THBS4: variants seen among roughly 807,000 people sequenced by gnomAD.
The protein encoded by THBS4 is thrombospondin 4, also known as thrombospondin-4.
THBS4 carries 90 observed loss-of-function variants against 115.7 expected under a neutral mutation model. The ratio of observed to expected loss-of-function variants is 0.78; its 90% CI spans 0.66 to 0.93. The LOEUF (loss-of-function observed/expected upper bound fraction) is 0.93. Ranked by LOEUF, THBS4 falls within the 40% of genes least tolerant of loss-of-function variation. The pLI, the probability that THBS4 is intolerant of heterozygous loss-of-function variation, is 0.00. For missense variants in THBS4, 1,087 were observed against 1,232.7 expected, an observed-to-expected ratio of 0.88 and a Z score of 1.77; for synonymous variants, 460 against 479.3, an observed-to-expected ratio of 0.96 and a Z score of 0.53.
rs756053670 is a variant in THBS4 at position 80,079,098 on chromosome 5, C to A, written c.2351C>A (p.Thr784Asn). ...TAFNGVDFEGTFHVNTQTDDD... is the reference protein window; with the variant it reads ...TAFNGVDFEGNFHVNTQTDDD... ...TTTAATGGAGTTGACTTCGAAGGGACCTTCCATGTGAATACCCAGACAGAT... is the reference window on the plus strand; with the variant it reads ...TTTAATGGAGTTGACTTCGAAGGGAACTTCCATGTGAATACCCAGACAGAT... Residue 784 changes from threonine (T) to asparagine (N), a missense_variant, in exon 19 of 22, where the codon ACC (threonine) becomes AAC (asparagine). Around this residue, in one of 3 missense-constraint regions of THBS4, gnomAD observed 979 missense variants for 1,103.7 expected, o/e 0.89. Transcript: ENST00000350881. 8 of 1,613,934 alleles carry A rather than the reference C, an allele frequency of 5.0e-6. No individual in the cohort carries two copies. The highest frequency in any genetic ancestry group is 6.8e-6 in the Non-Finnish European group (8 of 1,179,874).
At chr5:80,074,078 G>C (rs535665133) in intron 15 of THBS4, among the ~76,000 whole-genome samples, 3 of 152,188 alleles carry the variant, frequency 2.0e-5, no homozygotes, top group East Asian at 1.9e-4. Context: ...TTGATCCATG[G>C]AAAGTGCTCA....
At chr5:80,068,178 C>A in intron 10 of THBS4, 53 bp downstream of exon 10, 1 of 1,595,840 alleles carries the variant, frequency 6.3e-7, no homozygotes, top group South Asian at 1.1e-5. Flanking sequence ...TTTTTAACAC[C>A]ACCTCTCTCC....
Position 80,025,302 on chromosome 5 carries a change from A to G in THBS4, n.178-14775A>G, listed in dbSNP as rs549960650. Among the ~76,000 whole-genome samples the G allele has an allele frequency of 1.3e-3, 195 of 152,322 alleles. 1 individual carries two copies. Among genetic ancestry groups the G allele is most frequent in the African/African-American group, 4.5e-3 (187 of 41,574 alleles). On this transcript the variant is annotated intron_variant and non_coding_transcript_variant, in intron 2 of 3. Transcript: ENST00000510218. ...AGTACAAGGACATATGTATTAGAAC[A>G]TTGTGGTGTGCAAAAGAAGATGAGA...
upstream of THBS4, chr5:80,033,174 T>G (rs1219584300): frequency 2.3e-6 from 1 of 437,678 alleles, no homozygotes; most frequent in Non-Finnish European, 4.6e-6. Flanking sequence ...TGATCAACTC[T>G]GTTTCCTCAT....
chr5:79,997,250 T>A (rs1831813147), intron 1 of THBS4, among the ~76,000 whole-genome samples: 2 of 151,854 alleles, frequency 1.3e-5, no homozygotes, highest in Admixed American at 6.6e-5. Flanking sequence ...ATTGGCAGAG[T>A]GGATAAAAAA....
intron 2 of THBS4, among the ~76,000 whole-genome samples, chr5:80,004,503 C>G (rs567776144): frequency 6.6e-6 from 1 of 152,164 alleles, no homozygotes; most frequent in African/African-American, 2.4e-5. Flanking sequence ...TAGTCTCCTG[C>G]CACTGTGGCC....
intron 14 of THBS4, 150 bp from the exon 15 acceptor site, chr5:80,073,125 A>G: frequency 4.1e-6 from 3 of 723,696 alleles, no homozygotes; most frequent in South Asian, 3.2e-5. Flanking sequence ...GCCTACACCA[A>G]TATGGTGTTG....
intron 2 of THBS4, among the ~76,000 whole-genome samples, chr5:80,013,868 A>C (rs1436364310): frequency 6.6e-6 from 1 of 152,234 alleles, no homozygotes; most frequent in Non-Finnish European, 1.5e-5. Flanking sequence ...GCACTGATAA[A>C]TGACAGTTCT....
At chr5:80,064,587 C>T (rs963692522) in intron 8 of THBS4, among the ~76,000 whole-genome samples, 1 of 152,150 alleles carries the variant, frequency 6.6e-6, no homozygotes, top group East Asian at 1.9e-4. Context: ...AAAAATTAGC[C>T]GGGTGTGATG....
chr5:80,029,099 C>T (rs1265697068), intron 2 of THBS4, among the ~76,000 whole-genome samples: 1 of 152,124 alleles, frequency 6.6e-6, no homozygotes, highest in Non-Finnish European at 1.5e-5. Context: ...CATAGATGAA[C>T]TTCAGCCCAA....
Position 80,071,179 on chromosome 5 carries a change from T to G in THBS4, c.1719T>G (p.Asp573Glu), listed in dbSNP as rs1194725127. 1 of 1,569,874 alleles carries G rather than the reference T, an allele frequency of 6.4e-7. No homozygotes were observed. The highest frequency in any genetic ancestry group is 8.6e-7 in the Non-Finnish European group (1 of 1,164,558). ...GDACDDDMDGDGIKNILDNCP... is the reference protein window; with the variant it reads ...GDACDDDMDGEGIKNILDNCP... ...CCTGTGATGATGACATGGATGGAGA[T>G]GGTAGATTTATCTTGCTTTTGTCTT... The change falls in exon 13 of 22, where the codon GAT becomes GAG. Residue 573 changes from aspartate (D) to glutamate (E), a missense_variant and splice_region_variant. Transcript: ENST00000350881.
At chr5:80,037,818 G>A (rs968789860) in intron 1 of THBS4, among the ~76,000 whole-genome samples, 3 of 152,138 alleles carry the variant, frequency 2.0e-5, no homozygotes. Flanking sequence ...GCCCTCATTA[G>A]TGGAAATGTA....
At chr5:80,046,932 C>T (rs1833086751) in intron 2 of THBS4, among the ~76,000 whole-genome samples, 1 of 152,130 alleles carries the variant, frequency 6.6e-6, no homozygotes, top group African/African-American at 2.4e-5. Flanking sequence ...TTTACAAAGT[C>T]CTACCAGATA....
chr5:80,017,785 A>G (rs975694273), intron 2 of THBS4, among the ~76,000 whole-genome samples: 5 of 152,138 alleles, frequency 3.3e-5, no homozygotes, highest in African/African-American at 9.7e-5. Flanking sequence ...GTGAGGATCT[A>G]TACTCAGTTT....
chr5:80,031,165 T>G (rs1185943947), upstream of THBS4, among the ~76,000 whole-genome samples: 3 of 152,112 alleles, frequency 2.0e-5, no homozygotes, highest in Non-Finnish European at 2.9e-5. Flanking sequence ...TCCAAGCTGG[T>G]CTGAAAACTA....
chr5:80,056,468 AACAGCATT>A (rs1833436340), intron 3 of THBS4, among the ~76,000 whole-genome samples: 1 of 152,246 alleles, frequency 6.6e-6, no homozygotes. Context: ...AAGCTTTCAT[AACAGCATT>A]TTCACAGGTC....
At chr5:80,041,723 C>T (rs930937482) in intron 2 of THBS4, among the ~76,000 whole-genome samples, 2 of 152,136 alleles carry the variant, frequency 1.3e-5, no homozygotes, top group African/African-American at 2.4e-5. Flanking sequence ...CCACTCCTTC[C>T]CCGGGGGACA....
chr5:80,042,551 C>G (rs1391182603), intron 2 of THBS4, among the ~76,000 whole-genome samples: 1 of 152,148 alleles, frequency 6.6e-6, no homozygotes, highest in Non-Finnish European at 1.5e-5. Flanking sequence ...AAGCAACTTC[C>G]CCTGAACGGA....
intron 15 of THBS4, chr5:80,075,118 A>G (rs192769188): frequency 3.7e-4 from 56 of 152,316 alleles, no homozygotes; most frequent in Admixed American, 3.0e-3. Flanking sequence ...TGCTAGGTAA[A>G]TAGTTATTAT....
Sources: gnomAD v4.1 joint callset for allele counts (sites outside exome capture counted in the v4.1 genomes callset) on GRCh38, gnomAD v4.1.1 for gene constraint, gnomAD v4.1.1 regional missense constraint, MANE v1.5 for transcripts, NCBI Gene and HGNC (gene_info 2026-07-23, HGNC 2026-07-21) for gene names.